CHFR: variants seen among roughly 807,000 people sequenced by gnomAD.
CHFR encodes the protein E3 ubiquitin-protein ligase CHFR.
A neutral mutation model predicts 87.6 loss-of-function variants in CHFR; 57 were observed. That is an observed-to-expected ratio of 0.65 (90% CI 0.53 to 0.81). The LOEUF (loss-of-function observed/expected upper bound fraction) is 0.81, where lower values mean the gene tolerates loss of function less well. Ranked by LOEUF, CHFR falls within the 30% of genes least tolerant of loss-of-function variation. CHFR has a pLI of 0.00. For synonymous variants in CHFR, 381 were observed against 359.2 expected, an observed-to-expected ratio of 1.06 and a Z score of -0.69; for missense variants, 797 against 865.8, an observed-to-expected ratio of 0.92 and a Z score of 1.00.
At chr12:132,860,397 C>A (rs1430210208) in intron 7 of CHFR, among the ~76,000 whole-genome samples, 1 of 152,224 alleles carries the variant, frequency 6.6e-6, no homozygotes, top group African/African-American at 2.4e-5. Flanking sequence ...GTGTGACTTA[C>A]ACAATTTTTC....
chr12:132,874,937 C>G (rs893688832), intron 3 of CHFR, among the ~76,000 whole-genome samples: 1 of 149,770 alleles, frequency 6.7e-6, no homozygotes, highest in African/African-American at 2.5e-5. Flanking sequence ...CGGGAAAGCC[C>G]AGGACCAGCA....
intron 2 of CHFR, among the ~76,000 whole-genome samples, chr12:132,884,884 C>T (rs1024387272): frequency 4.6e-5 from 7 of 151,930 alleles, no homozygotes; most frequent in Non-Finnish European, 7.4e-5. Flanking sequence ...CTCAGGAGTT[C>T]GAGACCAGCC....
Position 132,847,144 on chromosome 12 carries a change from A to G in CHFR, c.1648-14T>C. On this transcript the variant is annotated splice_polypyrimidine_tract_variant and intron_variant, in intron 14 of 17. Transcript: ENST00000450056. ...TGCCAGGTAATTCTGTGACGCAAAA[A>G]AAGAGAGGAATAAGAAATACTCGTT... 1 of 1,613,224 alleles carries G rather than the reference A, an allele frequency of 6.2e-7. No individual in the cohort carries two copies.
At position 132,848,667 on chromosome 12, in the gene CHFR, C is replaced by A; in HGVS notation, c.1550G>T (p.Cys517Phe). ...ACAAAACGGGGCCAGGCAGCCGTAG[C>A]AGCCGGTCCGGGTGCAGCCCCAGTA... Reference protein sequence around the residue: ...HLYWGCTRTGCYGCLAPFCEL... With the variant: ...HLYWGCTRTGFYGCLAPFCEL... Residue 517 changes from cysteine (C) to phenylalanine (F), a missense_variant, in exon 13 of 18, where the codon TGC (cysteine) becomes TTC (phenylalanine). By Grantham distance (205) the Cys-to-Phe change is radical (BLOSUM62 -2). Transcript: ENST00000450056. 1 of 1,596,026 alleles carries A rather than the reference C, an allele frequency of 6.3e-7. No homozygotes were observed. The highest frequency in any genetic ancestry group is 8.5e-7 in the Non-Finnish European group (1 of 1,171,624).
chr12:132,872,262 C>T (rs891083976), intron 4 of CHFR, 23 bp downstream of exon 4: 15 of 1,540,574 alleles, frequency 9.7e-6, no homozygotes, highest in East Asian at 6.7e-5. Context: ...GGTCTGACCC[C>T]GGCAAGCCTT....
chr12:132,858,585 G>A (rs769631225), intron 8 of CHFR, among the ~76,000 whole-genome samples: 9 of 150,924 alleles, frequency 6.0e-5, no homozygotes, highest in Admixed American at 1.3e-4. Flanking sequence ...AAAATTAGCC[G>A]GGCATGGTGG....
chr12:132,845,457 CAAAAA>C (rs745511558), intron 15 of CHFR, among the ~76,000 whole-genome samples: 1 of 124,046 alleles, frequency 8.1e-6, no homozygotes, highest in African/African-American at 2.7e-5. Flanking sequence ...GATTCCATCT[CAAAAA>C]AAAAAATAAA....
intron 6 of CHFR, chr12:132,866,047 A>G (rs181338231): frequency 6.6e-6 from 1 of 152,368 alleles, no homozygotes; most frequent in East Asian, 1.9e-4. Context: ...AAACAAAGGT[A>G]AATCAAAGAG....
In CHFR at chr12:132,848,733, A is replaced by G. The variant is rs1248686111; in HGVS notation, c.1493-9T>C. On this transcript the variant is annotated splice_polypyrimidine_tract_variant and intron_variant, in intron 12 of 17. Coordinates refer to ENST00000450056, the MANE Select transcript of CHFR (RefSeq NM_001161346.2). ...CTGCAGGCAGACCGCACCTGTGGAG[A>G]GAGGACACTCGTTACACGCACTCAG... 6.4e-7 allele frequency: 1 copy of G among 1,574,116 alleles called. No homozygotes were observed. Among genetic ancestry groups the G allele is most frequent in the African/African-American group, 1.4e-5 (1 of 73,960 alleles).
intron 14 of CHFR, chr12:132,847,764 C>A (rs1271376483): frequency 1.6e-6 from 2 of 1,231,430 alleles, no homozygotes; most frequent in Non-Finnish European, 2.1e-6. Flanking sequence ...TGCTAAAGGG[C>A]GGCACCTTCA....
chr12:132,845,561 G>A (rs1483452869), intron 15 of CHFR, among the ~76,000 whole-genome samples: 6 of 152,062 alleles, frequency 3.9e-5, no homozygotes, highest in Non-Finnish European at 8.8e-5. Flanking sequence ...GAGGTGAGAT[G>A]ATCTCTTGAG....
intron 1 of CHFR, 96 bp from the exon 2 acceptor site, chr12:132,887,436 C>A: frequency 1.0e-6 from 1 of 982,720 alleles, no homozygotes; most frequent in Non-Finnish European, 1.2e-6. Context: ...CGGCCGCCCG[C>A]GCCCACGCAG....
intron 2 of CHFR, among the ~76,000 whole-genome samples, chr12:132,880,711 A>C (rs558103643): frequency 6.6e-6 from 1 of 151,212 alleles, no homozygotes; most frequent in East Asian, 2.0e-4. Flanking sequence ...TCACACCTGT[A>C]ATCTCAGCAC....
intron 13 of CHFR, 169 bp downstream of exon 13, chr12:132,848,472 G>C (rs931342696): frequency 1.3e-5 from 9 of 692,392 alleles, no homozygotes; most frequent in Non-Finnish European, 2.3e-5. Flanking sequence ...GAGCTAACAC[G>C]AATTTGACAC....
In CHFR at chr12:132,853,580, G is replaced by A. The variant is rs902265625; in HGVS notation, c.1230-7C>T. The A allele has an allele frequency of 1.3e-6, 2 of 1,526,690 alleles. No homozygotes were observed. The highest frequency in any genetic ancestry group is 1.4e-5 in the African/African-American group (1 of 71,594). The allele number at this position is 1,526,690 out of a possible 1,614,324, so 94.6% of individuals were successfully genotyped here. A position where few individuals can be genotyped will look rare whatever the true frequency, so the allele number is the denominator to read the frequency against. On this transcript the variant is annotated splice_region_variant and splice_polypyrimidine_tract_variant and intron_variant, in intron 10 of 17. Transcript: ENST00000450056. Reference sequence around the variant, plus strand: ...GCACACGACGTATGGCTGGCTGCAAGGAAGCACAGGGCCGAGCTGTGTGCA... The same window carrying A: ...GCACACGACGTATGGCTGGCTGCAAAGAAGCACAGGGCCGAGCTGTGTGCA...
chr12:132,887,266 A>C lies in CHFR; in HGVS notation c.63T>G (p.Arg21=). The change falls in exon 2 of 18, where the codon CGT becomes CGG. Residue 21 remains arginine, a synonymous_variant. Transcript: ENST00000450056. Reference sequence around the variant, plus strand: ...GCGGCTCGCCCTCCTCCGCGCCCAGACGCAGGAGCCGTCCCCAGGGCTGCG... The same window carrying C: ...GCGGCTCGCCCTCCTCCGCGCCCAGCCGCAGGAGCCGTCCCCAGGGCTGCG... ...PPPQPWGRLL[R]LGAEEGEPHV... is the part of the protein sequence containing the mutation. 6.7e-7 allele frequency: 1 copy of C among 1,499,522 alleles called. No homozygotes were observed. The highest frequency in any genetic ancestry group is 8.8e-7 in the Non-Finnish European group (1 of 1,131,440). 92.9% of individuals were successfully genotyped at this position (1,499,522 alleles called of 1,614,324 possible).
intron 3 of CHFR, among the ~76,000 whole-genome samples, chr12:132,876,745 C>T (rs1308357178): frequency 6.6e-6 from 1 of 152,206 alleles, no homozygotes; most frequent in African/African-American, 2.4e-5. Context: ...AATACATCTT[C>T]TAATACCTTG....
At position 132,833,754 on chromosome 12, in the gene CHFR, G is replaced by A. The variant is rs1555267574; in HGVS notation, c.*7800C>T. The A allele has an allele frequency of 6.6e-6, 1 of 152,384 alleles. No individual in the cohort carries two copies. Among genetic ancestry groups the A allele is most frequent in the Non-Finnish European group, 1.5e-5 (1 of 68,178 alleles). 9.4% of individuals were successfully genotyped at this position (152,384 alleles called of 1,614,324 possible). A position where few individuals can be genotyped will look rare whatever the true frequency, so the allele number is the denominator to read the frequency against. On this transcript the variant is annotated 3_prime_UTR_variant, in exon 18 of 18. Coordinates refer to ENST00000450056, the MANE Select transcript of CHFR (RefSeq NM_001161346.2). ...CTGAGCCCAGGAGGTGGAGGCTGCA[G>A]TGAGCTGACATTGCGCCACTGCCCT...
intron 2 of CHFR, among the ~76,000 whole-genome samples, chr12:132,884,726 G>A (rs1453569743): frequency 6.6e-6 from 1 of 152,132 alleles, no homozygotes; most frequent in Non-Finnish European, 1.5e-5. Context: ...CAAGCCAAGA[G>A]AGCCCTCACC....
Sources: gnomAD v4.1 joint callset for allele counts (sites outside exome capture counted in the v4.1 genomes callset) on GRCh38, gnomAD v4.1.1 for gene constraint, MANE v1.5 for transcripts, NCBI Gene and HGNC (gene_info 2026-07-23, HGNC 2026-07-21) for gene names.